The following HS6ST3 variants were observed in gnomAD, a reference collection of about 807,000 sequenced individuals.
HS6ST3 encodes the protein heparan-sulfate 6-O-sulfotransferase 3.
HS6ST3 carries 12 observed loss-of-function variants against 36.7 expected under a neutral mutation model. The ratio of observed to expected loss-of-function variants is 0.33; its 90% confidence interval spans 0.21 to 0.53. The LOEUF (loss-of-function observed/expected upper bound fraction) is 0.53. HS6ST3 is among the 20% of genes least tolerant of loss of function. The pLI is 0.95. For synonymous variants in HS6ST3, 240 were observed against 257.5 expected, an observed-to-expected ratio of 0.93 and a Z score of 0.65; for missense variants, 584 against 640.9, an observed-to-expected ratio of 0.91 and a Z score of 0.96.
intron 1 of HS6ST3, among the ~76,000 whole-genome samples, chr13:96,586,033 T>C (rs576037817): frequency 1.3e-5 from 2 of 152,322 alleles, no homozygotes; most frequent in South Asian, 2.1e-4. Flanking sequence ...ATCAAAAGTA[T>C]ATAAGGGTTT....
chr13:96,817,213 T>C (rs749880461), intron 1 of HS6ST3, among the ~76,000 whole-genome samples: 2 of 152,220 alleles, frequency 1.3e-5, no homozygotes, highest in Non-Finnish European at 2.9e-5. Context: ...CAGACAGCCT[T>C]TAAAATCCAT....
chr13:96,739,957 G>C (rs1279347905), intron 1 of HS6ST3, among the ~76,000 whole-genome samples: 1 of 151,990 alleles, frequency 6.6e-6, no homozygotes, highest in Non-Finnish European at 1.5e-5. Context: ...TAACCACAGT[G>C]CTCACTTATA....
chr13:96,827,821 T>A (rs1464086573), intron 1 of HS6ST3, among the ~76,000 whole-genome samples: 2 of 152,224 alleles, frequency 1.3e-5, no homozygotes. Context: ...TTTAAGATTA[T>A]GTGGAATGAA....
intron 1 of HS6ST3, among the ~76,000 whole-genome samples, chr13:96,494,456 T>C (rs1181709862): frequency 1.5e-4 from 22 of 150,750 alleles, no homozygotes; most frequent in Admixed American, 1.3e-3. Context: ...GACGAGTTAA[T>C]GGGTGCAGCA....
chr13:96,263,513 AAAT>A (rs1287594720), intron 1 of HS6ST3, among the ~76,000 whole-genome samples: 5 of 152,240 alleles, frequency 3.3e-5, no homozygotes, highest in African/African-American at 1.2e-4. Context: ...ATCTAATTGA[AAAT>A]AATGATGTGT....
intron 1 of HS6ST3, among the ~76,000 whole-genome samples, chr13:96,329,441 C>G (rs1169346836): frequency 1.4e-5 from 2 of 144,640 alleles, no homozygotes; most frequent in South Asian, 4.6e-4. Context: ...CGTTATGTAC[C>G]CAGTAGTCAT....
At chr13:96,116,472 GA>G (rs762163510) in intron 1 of HS6ST3, among the ~76,000 whole-genome samples, 21 of 152,106 alleles carry the variant, frequency 1.4e-4, no homozygotes, top group Non-Finnish European at 2.8e-4. Context: ...GGCTCTTTGA[GA>G]AAGAAACAAC....
intron 1 of HS6ST3, among the ~76,000 whole-genome samples, chr13:96,535,626 T>C (rs1021170214): frequency 3.3e-5 from 5 of 150,986 alleles, no homozygotes; most frequent in African/African-American, 4.9e-5. Flanking sequence ...GCTTGATACA[T>C]ATGCATGGAG....
intron 1 of HS6ST3, among the ~76,000 whole-genome samples, chr13:96,689,928 G>A (rs1318906574): frequency 2.6e-5 from 4 of 151,942 alleles, no homozygotes; most frequent in African/African-American, 7.3e-5. Flanking sequence ...GCAGAAGGGG[G>A]TAGAACAAGT....
intron 1 of HS6ST3, among the ~76,000 whole-genome samples, chr13:96,282,710 AG>A (rs1190369922): frequency 6.6e-6 from 1 of 152,194 alleles, no homozygotes; most frequent in Non-Finnish European, 1.5e-5. Flanking sequence ...GTTCTTAGGT[AG>A]AATTTTTACA....
At chr13:96,286,787 T>C (rs2054805577) in intron 1 of HS6ST3, among the ~76,000 whole-genome samples, 1 of 152,136 alleles carries the variant, frequency 6.6e-6, no homozygotes, top group Non-Finnish European at 1.5e-5. Flanking sequence ...ACACTGGATA[T>C]GTGGACTTTT....
At chr13:96,576,071 C>T (rs549220166) in intron 1 of HS6ST3, among the ~76,000 whole-genome samples, 1 of 152,280 alleles carries the variant, frequency 6.6e-6, no homozygotes, top group Non-Finnish European at 1.5e-5. Flanking sequence ...TGCATTTTCT[C>T]CTGCCAGGAA....
intron 1 of HS6ST3, among the ~76,000 whole-genome samples, chr13:96,823,055 C>A (rs763202956): frequency 1.8e-4 from 28 of 152,232 alleles, no homozygotes; most frequent in Admixed American, 3.3e-4. Flanking sequence ...CCTTCCTCTT[C>A]CAGCCAGGAG....
At chr13:96,438,227 T>G (rs146970591) in intron 1 of HS6ST3, among the ~76,000 whole-genome samples, 2 of 152,356 alleles carry the variant, frequency 1.3e-5, no homozygotes, top group East Asian at 3.9e-4. Flanking sequence ...CTATTCACTG[T>G]GTAATAATTT....
Position 96,477,226 on chromosome 13 carries a change from C to T in HS6ST3, c.708-355264C>T, listed in dbSNP as rs535725891. 5.9e-5 allele frequency among the ~76,000 whole-genome samples: 9 copies of T among 152,222 alleles called. No homozygotes were observed. The South Asian group carries it at 1.2e-3, about 21-fold the overall frequency. On this transcript the variant is annotated intron_variant, in intron 1 of 1. Transcript: ENST00000376705. ...AATTCTCTCCACTATCCTGTTGCCT[C>T]ATTTAGTTTAAGCAATGTGCCTTTT...
chr13:96,153,946 C>A (rs1348271867), intron 1 of HS6ST3, among the ~76,000 whole-genome samples: 1 of 152,150 alleles, frequency 6.6e-6, no homozygotes, highest in Non-Finnish European at 1.5e-5. Flanking sequence ...TTCATTCCAC[C>A]CCATTGCTAG....
intron 1 of HS6ST3, among the ~76,000 whole-genome samples, chr13:96,540,997 G>A (rs113388794): frequency 0.022 from 3,377 of 152,170 alleles, 116 homozygotes; most frequent in African/African-American, 0.075. Context: ...CTTAGAGCTG[G>A]GAAGGATACT....
chr13:96,661,747 C>T (rs2056647149), intron 1 of HS6ST3, among the ~76,000 whole-genome samples: 1 of 152,050 alleles, frequency 6.6e-6, no homozygotes, highest in South Asian at 2.1e-4. Context: ...CATTCTTTCC[C>T]ATGTTTAGAA....
chr13:96,474,948 T>C (rs1453597671), intron 1 of HS6ST3, among the ~76,000 whole-genome samples: 1 of 152,214 alleles, frequency 6.6e-6, no homozygotes, highest in Non-Finnish European at 1.5e-5. Flanking sequence ...ACCTGTTTTT[T>C]CTATGGATTA....
Sources: gnomAD v4.1 joint callset for allele counts (sites outside exome capture counted in the v4.1 genomes callset) on GRCh38, gnomAD v4.1.1 for gene constraint, MANE v1.5 for transcripts, NCBI Gene and HGNC (gene_info 2026-07-23, HGNC 2026-07-21) for gene names.